Variants in COL26A1 observed in about 807,000 individuals in gnomAD.
COL26A1 encodes the protein collagen alpha-1(XXVI) chain.
In COL26A1, 41 loss-of-function variants were observed where a neutral mutation model predicts 59.3. The observed-to-expected ratio is 0.69, with a 90% CI of 0.54 to 0.90. The LOEUF is 0.90. Among genes scored for constraint, COL26A1 ranks in the 40% least tolerant of loss-of-function variants. COL26A1 has a pLI of 0.00. For synonymous variants in COL26A1, 266 were observed against 256.0 expected (o/e 1.04, Z -0.37); for missense variants, 612 against 602.3 (o/e 1.02, Z -0.17).
At chr7:101,477,072 G>C (rs1794065598) in intron 3 of COL26A1, among the ~76,000 whole-genome samples, 1 of 151,982 alleles carries the variant, frequency 6.6e-6, no homozygotes, top group Admixed American at 6.6e-5. Context: ...TTGAACTCCT[G>C]ACCTCAGGTG....
At chr7:101,449,005 C>A (rs1471343546) in intron 3 of COL26A1, among the ~76,000 whole-genome samples, 2 of 152,204 alleles carry the variant, frequency 1.3e-5, no homozygotes, top group African/African-American at 2.4e-5. Context: ...GGGCCTCTGG[C>A]CCACAGCAGA....
chr7:101,464,642 C>T (rs904666424), intron 3 of COL26A1, among the ~76,000 whole-genome samples: 2 of 152,096 alleles, frequency 1.3e-5, no homozygotes, highest in East Asian at 1.9e-4. Context: ...AACTCCTGAC[C>T]TCAGGTGATC....
chr7:101,533,098 C>T lies in COL26A1; in HGVS notation c.402C>T (p.Thr134=). 1 of 1,607,662 alleles carries T rather than the reference C, an allele frequency of 6.2e-7. No individual in the cohort carries two copies. Among genetic ancestry groups the T allele is most frequent in the Non-Finnish European group, 8.5e-7 (1 of 1,177,852 alleles). ...SNCDEECMNC[T]RLSDMSERLT... ...CTCTTTCAGAATGCATGAACTGCAC[C>T]CGGCTCAGTGACATGAGTGAGCGAC... The change falls in exon 4 of 13, where the codon ACC becomes ACT. Residue 134 remains threonine, a synonymous_variant. Coordinates refer to ENST00000313669, the MANE Select transcript of COL26A1 (RefSeq NM_001278563.3).
chr7:101,538,831 A>G (rs553934697), intron 4 of COL26A1, among the ~76,000 whole-genome samples: 39 of 152,304 alleles, frequency 2.6e-4, no homozygotes, highest in African/African-American at 9.4e-4. Context: ...GCACTGCAGA[A>G]CTGGTGAGGG....
chr7:101,454,702 C>T (rs1793428210), intron 3 of COL26A1, among the ~76,000 whole-genome samples: 1 of 152,138 alleles, frequency 6.6e-6, no homozygotes, highest in African/African-American at 2.4e-5. Flanking sequence ...CTGTGATGTT[C>T]CTTGCGGAGA....
At chr7:101,446,645 G>A (rs545737194) in intron 2 of COL26A1, among the ~76,000 whole-genome samples, 7 of 152,080 alleles carry the variant, frequency 4.6e-5, no homozygotes, top group Non-Finnish European at 7.4e-5. Context: ...CCAGGAGTTC[G>A]AGAGCAGCCT....
intron 2 of COL26A1, among the ~76,000 whole-genome samples, chr7:101,441,176 C>T (rs1332853542): frequency 6.6e-6 from 1 of 152,072 alleles, no homozygotes; most frequent in Non-Finnish European, 1.5e-5. Flanking sequence ...CCCAGTTCCA[C>T]CACCTTGACA....
intron 3 of COL26A1, among the ~76,000 whole-genome samples, chr7:101,520,655 CA>C (rs1406112295): frequency 1.3e-4 from 20 of 151,458 alleles, no homozygotes; most frequent in South Asian, 1.0e-3. Context: ...CACACACACA[CA>C]CACACACCCC....
intron 4 of COL26A1, among the ~76,000 whole-genome samples, chr7:101,535,886 CA>C (rs1289119231): frequency 2.6e-5 from 4 of 152,190 alleles, no homozygotes; most frequent in African/African-American, 9.7e-5. Flanking sequence ...GGTAGCTCTG[CA>C]GCCCCCGTCC....
chr7:101,506,341 C>T (rs1558005), intron 3 of COL26A1, among the ~76,000 whole-genome samples: 27,390 of 152,228 alleles, frequency 0.18, 5,336 homozygotes, highest in African/African-American at 0.49. Flanking sequence ...TAAAATGAAT[C>T]GGAGAAGAGA....
At chr7:101,385,862 G>A (rs1227004996) in intron 1 of COL26A1, among the ~76,000 whole-genome samples, 1 of 151,834 alleles carries the variant, frequency 6.6e-6, no homozygotes, top group Non-Finnish European at 1.5e-5. Context: ...CCACCACCAC[G>A]CCCGGCTAAT....
chr7:101,427,834 C>T (rs1280323625), intron 2 of COL26A1, among the ~76,000 whole-genome samples: 1 of 152,000 alleles, frequency 6.6e-6, no homozygotes, highest in African/African-American at 2.4e-5. Context: ...GTAGGGGACC[C>T]AATTCTGGTT....
intron 1 of COL26A1, among the ~76,000 whole-genome samples, chr7:101,363,764 C>T (rs1246131000): frequency 6.6e-6 from 1 of 151,356 alleles, no homozygotes; most frequent in East Asian, 2.0e-4. Flanking sequence ...TGGTTCCGAC[C>T]GCCGTGGCTG....
At chr7:101,424,886 G>T (rs1418040940) in intron 2 of COL26A1, among the ~76,000 whole-genome samples, 1 of 152,024 alleles carries the variant, frequency 6.6e-6, no homozygotes, top group Non-Finnish European at 1.5e-5. Flanking sequence ...ACCCTGCCCC[G>T]CTCTAGCTCC....
At chr7:101,538,915 G>A (rs1011880010) in intron 4 of COL26A1, among the ~76,000 whole-genome samples, 3 of 152,210 alleles carry the variant, frequency 2.0e-5, no homozygotes, top group East Asian at 1.9e-4. Flanking sequence ...CACGCCCCTC[G>A]GCCCCAGGAC....
At chr7:101,456,234 T>G (rs1293354917) in intron 3 of COL26A1, among the ~76,000 whole-genome samples, 4 of 151,038 alleles carry the variant, frequency 2.6e-5, no homozygotes, top group Non-Finnish European at 2.9e-5. Flanking sequence ...TTTTTTGAGA[T>G]AGGGTTTCAT....
Position 101,363,189 on chromosome 7 carries a change from C to T in COL26A1, c.157C>T (p.Arg53Trp), listed in dbSNP as rs929556059. The T allele has an allele frequency of 4.6e-6, 5 of 1,094,834 alleles. No homozygotes were observed. The African/African-American group carries it at 6.6e-5, about 14-fold the overall frequency. 67.8% of individuals were successfully genotyped at this position (1,094,834 alleles called of 1,614,324 possible). A position where few individuals can be genotyped will look rare whatever the true frequency, so the allele number is the denominator to read the frequency against. ...GSPGSGYASRRHWCHHTVTRT... is the reference protein window; with the variant it reads ...GSPGSGYASRWHWCHHTVTRT... ...CCCTGGCAGCGGCTACGCGAGCCGC[C>T]GGTGAGTAGCTCGGGGCCGAGGGGC... The change falls in exon 1 of 13, where the codon CGG becomes TGG. Residue 53 changes from arginine to tryptophan, a missense_variant and splice_region_variant. Physicochemically the swap from Arg to Trp is moderately radical, Grantham distance 101 (BLOSUM62 -3). Coordinates refer to ENST00000313669, the MANE Select transcript of COL26A1 (RefSeq NM_001278563.3).
intron 5 of COL26A1, among the ~76,000 whole-genome samples, chr7:101,543,041 T>G (rs1584500989): frequency 6.6e-6 from 1 of 152,208 alleles, no homozygotes; most frequent in East Asian, 1.9e-4. Context: ...CAACCTGGAT[T>G]CCAGAGCGCA....
At chr7:101,413,246 C>T (rs147141981) in intron 1 of COL26A1, among the ~76,000 whole-genome samples, 28 of 152,206 alleles carry the variant, frequency 1.8e-4, no homozygotes, top group African/African-American at 6.5e-4. Flanking sequence ...TGGCCGGGCG[C>T]GGTGGCTCGT....
Sources: gnomAD v4.1 joint callset for allele counts (sites outside exome capture counted in the v4.1 genomes callset) on GRCh38, gnomAD v4.1.1 for gene constraint, MANE v1.5 for transcripts, NCBI Gene and HGNC (gene_info 2026-07-23, HGNC 2026-07-21) for gene names.